TENM4: variants seen among roughly 807,000 people sequenced by gnomAD.
TENM4 encodes teneurin transmembrane protein 4, also known as teneurin-4.
In TENM4, 82 loss-of-function variants were observed where a neutral mutation model predicts 243.3. The observed-to-expected ratio is 0.34, with a 90% CI of 0.28 to 0.40. The LOEUF (loss-of-function observed/expected upper bound fraction) is 0.40, where lower values mean the gene tolerates loss of function less well. Ranked by LOEUF, TENM4 falls within the 10% of genes least tolerant of loss-of-function variation. TENM4 has a pLI of 1.00. For synonymous variants in TENM4, 1,412 were observed against 1,456.3 expected (o/e 0.97, Z 0.69); for missense variants, 3,138 against 3,673.3 (o/e 0.85, Z 3.77).
intron 28 of TENM4, among the ~76,000 whole-genome samples, chr11:78,697,870 C>T (rs1162542102): frequency 6.6e-6 from 1 of 152,124 alleles, no homozygotes; most frequent in Non-Finnish European, 1.5e-5. Context: ...TTTTCTCAGC[C>T]ACCAAATGCC....
intron 28 of TENM4, among the ~76,000 whole-genome samples, chr11:78,697,910 C>A (rs1418624065): frequency 1.3e-5 from 2 of 152,116 alleles, no homozygotes; most frequent in African/African-American, 4.8e-5. Flanking sequence ...CTGAGAGTAA[C>A]GATGCCACAC....
At chr11:78,889,757 A>G (rs1245383588) in intron 9 of TENM4, 28 bp downstream of exon 9, 1 of 1,548,426 alleles carries the variant, frequency 6.5e-7, no homozygotes, top group Admixed American at 2.0e-5. Context: ...AAGAGGAGCA[A>G]GGGGAGCTGG....
chr11:79,249,292 A>G (rs1855570633), intron 2 of TENM4, among the ~76,000 whole-genome samples: 1 of 152,138 alleles, frequency 6.6e-6, no homozygotes, highest in Admixed American at 6.5e-5. Flanking sequence ...TAACCTACCT[A>G]CCCATGGGCA....
chr11:78,971,990 G>A (rs954571183), intron 6 of TENM4, among the ~76,000 whole-genome samples: 2 of 152,158 alleles, frequency 1.3e-5, no homozygotes, highest in Non-Finnish European at 2.9e-5. Flanking sequence ...GTTGAATTAC[G>A]TATGGGTGCA....
At chr11:78,902,809 G>A (rs535626632) in intron 7 of TENM4, among the ~76,000 whole-genome samples, 3 of 152,192 alleles carry the variant, frequency 2.0e-5, no homozygotes, top group Non-Finnish European at 4.4e-5. Context: ...CGCCAGGCCA[G>A]GCAGGTCTGA....
chr11:78,982,441 G>A (rs954036907), intron 6 of TENM4, among the ~76,000 whole-genome samples: 14 of 152,096 alleles, frequency 9.2e-5, no homozygotes, highest in African/African-American at 3.4e-4. Context: ...CCTGTTTCCT[G>A]TCTGCTTAAG....
intron 6 of TENM4, among the ~76,000 whole-genome samples, chr11:79,009,057 T>C (rs1353671595): frequency 6.6e-6 from 1 of 152,220 alleles, no homozygotes; most frequent in Non-Finnish European, 1.5e-5. Context: ...TCTGCATTTC[T>C]TCTGTTCTAT....
At position 79,215,969 on chromosome 11, in the gene TENM4, C is replaced by T. The variant is rs1590801374; in HGVS notation, c.-264-60G>A. The T allele has an allele frequency of 6.0e-6, 3 of 496,164 alleles. No homozygotes were observed. In the African/African-American group the frequency reaches 6.3e-5, roughly 10 times the overall value. 30.7% of individuals were successfully genotyped at this position (496,164 alleles called of 1,614,324 possible). A position where few individuals can be genotyped will look rare whatever the true frequency, so the allele number is the denominator to read the frequency against. Reference sequence around the variant, plus strand: ...AGGTGGCAAGATGCCCCAATCCTTTCTCACAGACCCTCCGCTCCAGCAGTC... The same window carrying T: ...AGGTGGCAAGATGCCCCAATCCTTTTTCACAGACCCTCCGCTCCAGCAGTC... On this transcript the variant is annotated intron_variant, in intron 2 of 33. Coordinates refer to ENST00000278550, the MANE Select transcript of TENM4 (RefSeq NM_001098816.3).
intron 4 of TENM4, among the ~76,000 whole-genome samples, chr11:79,081,512 G>A (rs1197522147): frequency 2.1e-5 from 3 of 143,634 alleles, no homozygotes; most frequent in African/African-American, 7.8e-5. Context: ...GGATTACCCA[G>A]GCTGTCCTTC....
intron 4 of TENM4, among the ~76,000 whole-genome samples, chr11:79,086,878 A>T (rs1223391678): frequency 2.6e-5 from 4 of 151,482 alleles, no homozygotes; most frequent in Admixed American, 1.3e-4. Flanking sequence ...GGTAATAAGG[A>T]TAATGCTGCC....
At chr11:78,966,794 C>T (rs913326418) in intron 6 of TENM4, among the ~76,000 whole-genome samples, 7 of 152,194 alleles carry the variant, frequency 4.6e-5, no homozygotes, top group African/African-American at 1.4e-4. Flanking sequence ...CCTCCCAAGT[C>T]TCATTGTTAC....
At chr11:79,158,936 C>A (rs574874112) in intron 3 of TENM4, among the ~76,000 whole-genome samples, 5 of 152,282 alleles carry the variant, frequency 3.3e-5, no homozygotes, top group African/African-American at 1.2e-4. Context: ...CCCCAAATAA[C>A]CCTAGTATAT....
chr11:78,959,502 C>G (rs1311131482), intron 6 of TENM4, among the ~76,000 whole-genome samples: 1 of 152,114 alleles, frequency 6.6e-6, no homozygotes, highest in Non-Finnish European at 1.5e-5. Context: ...TTTTGGGTTT[C>G]AGGAGAGAGG....
chr11:79,009,845 A>C (rs1324354376), intron 6 of TENM4, among the ~76,000 whole-genome samples: 2 of 152,056 alleles, frequency 1.3e-5, no homozygotes, highest in East Asian at 1.9e-4. Context: ...CTGTGTCCCC[A>C]CCCAAATCTC....
intron 3 of TENM4, among the ~76,000 whole-genome samples, chr11:79,163,137 T>C (rs993251649): frequency 6.6e-6 from 1 of 152,130 alleles, no homozygotes; most frequent in Non-Finnish European, 1.5e-5. Flanking sequence ...AGGACAGAAT[T>C]TCCCTCTGCC....
At position 79,438,905 on chromosome 11, in the gene TENM4, G is replaced by A. The variant is rs975884767; in HGVS notation, c.-321+1604C>T. 2.0e-5 allele frequency: 3 copies of A among 152,094 alleles called. No homozygotes were observed. Among genetic ancestry groups the A allele is most frequent in the Admixed American group, 2.0e-4 (3 of 15,284 alleles). 9.4% of individuals were successfully genotyped at this position (152,094 alleles called of 1,614,324 possible). On this transcript the variant is annotated intron_variant, in intron 1 of 33. Coordinates refer to ENST00000278550, the MANE Select transcript of TENM4 (RefSeq NM_001098816.3). The surrounding 1 kb of genome is among the most constrained non-coding windows in gnomAD (Gnocchi z 4.1). Reference sequence around the variant, plus strand: ...GACGCCCATCGCACAAGTGGGCGCCGTGGTGCGAGGCGTATCCTAGCTACC... The same window carrying A: ...GACGCCCATCGCACAAGTGGGCGCCATGGTGCGAGGCGTATCCTAGCTACC...
intron 6 of TENM4, among the ~76,000 whole-genome samples, chr11:78,970,558 A>C (rs919452445): frequency 2.0e-5 from 3 of 152,216 alleles, no homozygotes; most frequent in African/African-American, 7.2e-5. Context: ...CAGAGGATGC[A>C]GTCTGTAGCA....
chr11:78,935,168 C>T (rs976305283), intron 6 of TENM4, among the ~76,000 whole-genome samples: 4 of 150,616 alleles, frequency 2.7e-5, no homozygotes, highest in Non-Finnish European at 3.0e-5. Context: ...CCCGCCAGCG[C>T]GCCCAGCTAA....
chr11:78,823,147 G>A lies in TENM4; in HGVS notation c.1682-8752C>T, dbSNP rs114588577. On this transcript the variant is annotated intron_variant, in intron 12 of 33. Coordinates refer to ENST00000278550, the MANE Select transcript of TENM4 (RefSeq NM_001098816.3). ...AGTACTGGGGAGACAGCCAAGTGCCGCGCTCTTCAAGAGCACTAGGCCCTT... is the reference window on the plus strand; with the variant it reads ...AGTACTGGGGAGACAGCCAAGTGCCACGCTCTTCAAGAGCACTAGGCCCTT... 7.8e-3 allele frequency among the ~76,000 whole-genome samples: 1,189 copies of A among 152,284 alleles called. 13 individuals carry two copies. The highest frequency in any genetic ancestry group is 0.027 in the African/African-American group (1,123 of 41,546).
Sources: allele counts gnomAD v4.1 joint callset (sites outside exome capture counted in the v4.1 genomes callset), GRCh38; gene constraint gnomAD v4.1.1; non-coding constraint Gnocchi (gnomAD v3.1); transcripts MANE v1.5; gene names NCBI Gene and HGNC (gene_info 2026-07-23, HGNC 2026-07-21).